The following VPS9D1 variants were observed in gnomAD, a reference collection of about 807,000 sequenced individuals.
VPS9D1 encodes VPS9 domain-containing protein 1.
A neutral mutation model predicts 75.8 loss-of-function variants in VPS9D1; 78 were observed. That is an observed-to-expected ratio of 1.03 (90% CI 0.86 to 1.24). The LOEUF (loss-of-function observed/expected upper bound fraction) is 1.24. Among genes scored for constraint, VPS9D1 ranks in the 50% most tolerant of loss-of-function variants. The pLI, the probability that VPS9D1 is intolerant of heterozygous loss-of-function variation, is 0.00. For synonymous variants in VPS9D1, 481 were observed against 385.6 expected, an observed-to-expected ratio of 1.25 and a Z score of -2.90; for missense variants, 1,057 against 847.7, an observed-to-expected ratio of 1.25 and a Z score of -3.07.
chr16:89,709,626 T>C, intron 11 of VPS9D1, 151 bp downstream of exon 11: 1 of 1,337,614 alleles, frequency 7.5e-7, no homozygotes, highest in East Asian at 2.4e-5. Context: ...CCCCTGAGGA[T>C]GGCCTCAGGG....
intron 12 of VPS9D1, 135 bp from the exon 13 acceptor site, chr16:89,709,091 A>C: frequency 7.7e-7 from 1 of 1,292,568 alleles, no homozygotes; most frequent in Non-Finnish European, 1.0e-6. Context: ...GATGTTGCTC[A>C]GACACCACTT....
intron 12 of VPS9D1, 68 bp from the exon 13 acceptor site, chr16:89,709,024 C>CCGGGG: frequency 7.1e-7 from 1 of 1,416,786 alleles, no homozygotes; most frequent in Non-Finnish European, 9.5e-7. Flanking sequence ...CCTTATACCC[C>CCGGGG]GCCCACCCAC....
chr16:89,716,573 G>C lies in VPS9D1; in HGVS notation c.320C>G (p.Pro107Arg), dbSNP rs374242192. Residue 107 changes from proline (P) to arginine (R), a missense_variant, in exon 4 of 15, where the codon CCT (proline) becomes CGT (arginine). Transcript: ENST00000389386. ...TMPAAAPIPQ[P>R]AGRHRRVYSD... ...GTATACACGGCGGTGTCGGCCGGCA[G>C]GCTGGGGAATGGGAGCAGCTGCAGG... 6.2e-7 allele frequency: 1 copy of C among 1,613,890 alleles called. No individual in the cohort carries two copies. The highest frequency in any genetic ancestry group is 8.5e-7 in the Non-Finnish European group (1 of 1,179,964).
At position 89,718,235 on chromosome 16, in the gene VPS9D1, G is replaced by A. The variant is rs138692050; in HGVS notation, c.175+792C>T. The A allele has an allele frequency of 1.4e-3, 543 of 376,096 alleles. 1 individual carries two copies. Among genetic ancestry groups the A allele is most frequent in the Non-Finnish European group, 2.7e-3 (497 of 186,946 alleles). 23.3% of individuals were successfully genotyped at this position (376,096 alleles called of 1,614,324 possible). On this transcript the variant is annotated intron_variant, in intron 2 of 14. Coordinates refer to ENST00000389386, the MANE Select transcript of VPS9D1 (RefSeq NM_004913.3). ...CAAGTCTGCTCTGTTCCACCTTCAGGACGCACCCCGAGGCCGTTTACTGCT... is the reference window on the plus strand; with the variant it reads ...CAAGTCTGCTCTGTTCCACCTTCAGAACGCACCCCGAGGCCGTTTACTGCT...
rs2060967001 is a variant in VPS9D1 at position 89,712,779 on chromosome 16, G to A, written c.432-63C>T. On this transcript the variant is annotated intron_variant, in intron 4 of 14. Transcript: ENST00000389386. Reference sequence around the variant, plus strand: ...GCCCAGTGGTGTCTGGACACCAGAGGAGTCTCTCTCATCCTCCCGGATTGC... The same window carrying A: ...GCCCAGTGGTGTCTGGACACCAGAGAAGTCTCTCTCATCCTCCCGGATTGC... 95 of 1,387,726 alleles carry A rather than the reference G, an allele frequency of 6.8e-5. No homozygotes were observed. In the South Asian group the frequency reaches 1.3e-3, roughly 20 times the overall value. 86.0% of individuals were successfully genotyped at this position (1,387,726 alleles called of 1,614,324 possible).
chr16:89,720,664 A>T, intron 1 of VPS9D1, 99 bp downstream of exon 1: 5 of 1,241,226 alleles, frequency 4.0e-6, no homozygotes, highest in Non-Finnish European at 5.0e-6. Context: ...CCCGCTCCCA[A>T]GTCTCCAGCC....
At chr16:89,712,419 A>C in intron 6 of VPS9D1, 41 bp downstream of exon 6, 1 of 1,609,850 alleles carries the variant, frequency 6.2e-7, no homozygotes, top group Non-Finnish European at 8.5e-7. Context: ...GGCCACACTG[A>C]GTTTCCCCTC....
chr16:89,716,880 G>A lies in VPS9D1; in HGVS notation c.176-58C>T, dbSNP rs1291473181. 2.1e-6 allele frequency: 3 copies of A among 1,460,674 alleles called. No individual in the cohort carries two copies. The East Asian group carries it at 7.6e-5, about 37-fold the overall frequency. The allele number at this position is 1,460,674 out of a possible 1,614,324, so 90.5% of individuals were successfully genotyped here. A position where few individuals can be genotyped will look rare whatever the true frequency, so the allele number is the denominator to read the frequency against. Reference sequence around the variant, plus strand: ...GGCTCTACCACTGTTACTTACTGCTGAGATAAAATGAGGCAACGGAAAAGG... The same window carrying A: ...GGCTCTACCACTGTTACTTACTGCTAAGATAAAATGAGGCAACGGAAAAGG... On this transcript the variant is annotated intron_variant, in intron 2 of 14. Coordinates refer to ENST00000389386, the MANE Select transcript of VPS9D1 (RefSeq NM_004913.3).
At chr16:89,713,207 A>G (rs547890453) in intron 4 of VPS9D1, 1 of 152,156 alleles carries the variant, frequency 6.6e-6, no homozygotes, top group East Asian at 1.9e-4. Context: ...AAATAACAAA[A>G]AGAAAGAAAA....
intron 4 of VPS9D1, among the ~76,000 whole-genome samples, 166 bp downstream of exon 4, chr16:89,716,296 G>T (rs1024058676): frequency 6.6e-6 from 1 of 152,084 alleles, no homozygotes; most frequent in Admixed American, 6.5e-5. Context: ...AACCCGGGAG[G>T]TGGAGGTTGC....
chr16:89,707,671 C>A lies in VPS9D1; in HGVS notation c.*190G>T. The A allele has an allele frequency of 1.7e-6, 1 of 582,496 alleles. No homozygotes were observed. The highest frequency in any genetic ancestry group is 3.1e-6 in the Non-Finnish European group (1 of 327,778). The allele number at this position is 582,496 out of a possible 1,614,324, so 36.1% of individuals were successfully genotyped here. A position where few individuals can be genotyped will look rare whatever the true frequency, so the allele number is the denominator to read the frequency against. On this transcript the variant is annotated 3_prime_UTR_variant, in exon 15 of 15. Transcript: ENST00000389386. ...TCGGGGCAGAGGTGCCAACCCCAAG[C>A]TCCAGGGTCAGATGTGAGGTGAGGA... is the stretch of plus-strand genomic sequence containing the variant.
At chr16:89,718,139 A>T in intron 2 of VPS9D1, 2 of 444,200 alleles carry the variant, frequency 4.5e-6, no homozygotes, top group Non-Finnish European at 4.5e-6. Context: ...GGCCTCTCAA[A>T]CTTAATGTGT....
At chr16:89,720,567 A>T in intron 1 of VPS9D1, 196 bp downstream of exon 1, 12 of 1,192,762 alleles carry the variant, frequency 1.0e-5, no homozygotes, top group Non-Finnish European at 1.2e-5. Flanking sequence ...GGTCCGCAGG[A>T]TCTGAGCTGT....
At chr16:89,709,551 A>G in intron 11 of VPS9D1, 116 bp from the exon 12 acceptor site, 1 of 1,317,440 alleles carries the variant, frequency 7.6e-7, no homozygotes, top group Non-Finnish European at 1.0e-6. Flanking sequence ...TCAAGCAAAA[A>G]GCCCCAGCGT....
intron 12 of VPS9D1, 43 bp from the exon 13 acceptor site, chr16:89,708,999 G>A: frequency 6.5e-7 from 1 of 1,545,700 alleles, no homozygotes; most frequent in Non-Finnish European, 8.7e-7. Context: ...ACCCCGTCCA[G>A]CAGCCTGAGC....
chr16:89,718,391 C>T (rs958814004), intron 2 of VPS9D1, among the ~76,000 whole-genome samples: 3 of 152,164 alleles, frequency 2.0e-5, no homozygotes, highest in South Asian at 4.1e-4. Context: ...CAGTTCCACC[C>T]AAGGCATGCA....
chr16:89,709,070 G>C (rs780858565), intron 12 of VPS9D1, 114 bp from the exon 13 acceptor site: 5 of 1,362,690 alleles, frequency 3.7e-6, no homozygotes, highest in Non-Finnish European at 5.0e-6. Context: ...AAGAGCCACG[G>C]TGACCCTGGC....
chr16:89,711,367 C>T lies in VPS9D1; in HGVS notation c.793G>A (p.Asp265Asn). The change falls in exon 9 of 15, where the codon GAC (aspartate) becomes AAC (asparagine). Residue 265 changes from aspartate (D) to asparagine (N), a missense_variant. Asp to Asn is a conservative substitution (Grantham distance 23). Transcript: ENST00000389386. ...ACCAGGCTGGTCACGAGTGACAGGT[C>T]CCCCGGATTCCTCTTGAGCTTGGCC... ...WKAKLKRNPG[D>N]LSLVTSLVSH... 1.2e-6 allele frequency: 2 copies of T among 1,610,650 alleles called. No individual in the cohort carries two copies. Among genetic ancestry groups the T allele is most frequent in the South Asian group, 1.1e-5 (1 of 90,236 alleles).
At position 89,719,184 on chromosome 16, in the gene VPS9D1, A is replaced by G. The variant is rs762496089; in HGVS notation, c.100-82T>C. 3.8e-6 allele frequency: 5 copies of G among 1,310,554 alleles called. No individual in the cohort carries two copies. The South Asian group carries it at 5.9e-5, about 15-fold the overall frequency. 81.2% of individuals were successfully genotyped at this position (1,310,554 alleles called of 1,614,324 possible). On this transcript the variant is annotated intron_variant, in intron 1 of 14. Coordinates refer to ENST00000389386, the MANE Select transcript of VPS9D1 (RefSeq NM_004913.3). Reference sequence around the variant, plus strand: ...TATTCCGGCCAGGTGCCCTTGTGGGATAAGCAAGGAACACCACCACCTGCT... The same window carrying G: ...TATTCCGGCCAGGTGCCCTTGTGGGGTAAGCAAGGAACACCACCACCTGCT...
Sources: gnomAD v4.1 joint callset for allele counts (sites outside exome capture counted in the v4.1 genomes callset) on GRCh38, gnomAD v4.1.1 for gene constraint, MANE v1.5 for transcripts, NCBI Gene and HGNC (gene_info 2026-07-23, HGNC 2026-07-21) for gene names.